The following MFSD1 variants were observed in gnomAD, a reference collection of about 807,000 sequenced individuals.
MFSD1 encodes the protein lysosomal dipeptide transporter MFSD1.
A neutral mutation model predicts 67.1 loss-of-function variants in MFSD1; 59 were observed. That is an observed-to-expected ratio of 0.88 (90% CI 0.71 to 1.09). The LOEUF is 1.09. Among genes scored for constraint, MFSD1 ranks in the 50% least tolerant of loss-of-function variants. The probability of loss-of-function intolerance (pLI) is 0.00; values close to 1 mark genes in which losing one functional copy is unlikely to be tolerated. For synonymous variants in MFSD1, 213 were observed against 200.3 expected, an observed-to-expected ratio of 1.06 and a Z score of -0.54; for missense variants, 552 against 566.1, an observed-to-expected ratio of 0.97 and a Z score of 0.25.
At chr3:158,826,254 T>A (rs1730960758) in intron 14 of MFSD1, among the ~76,000 whole-genome samples, 192 bp downstream of exon 14, 1 of 152,184 alleles carries the variant, frequency 6.6e-6, no homozygotes, top group Non-Finnish European at 1.5e-5. Flanking sequence ...AAGATTGCTG[T>A]CATTTTTTAA....
At chr3:158,827,976 G>GAGAGACAGAC (rs1553759912) in intron 15 of MFSD1, among the ~76,000 whole-genome samples, 10 of 78,888 alleles carry the variant, frequency 1.3e-4, no homozygotes, top group East Asian at 4.3e-4. Flanking sequence ...GAGAGAGAGA[G>GAGAGACAGAC]AGACAGAGAT....
In MFSD1 at chr3:158,802,207, G is replaced by T; in HGVS notation, c.55G>T (p.Ala19Ser). The T allele has an allele frequency of 1.2e-6, 2 of 1,610,816 alleles. No individual in the cohort carries two copies. The highest frequency in any genetic ancestry group is 1.7e-6 in the Non-Finnish European group (2 of 1,179,082). ...RALLAGGPDE[A>S]DRGAPAAPGA... ...GCTCCTGGCAGGCGGCCCTGACGAG[G>T]CCGACAGAGGTGCCCCGGCCGCCCC... Residue 19 changes from alanine to serine, a missense_variant, in exon 1 of 16, where the codon GCC (alanine) becomes TCC (serine). Transcript: ENST00000415822.
At position 158,826,020 on chromosome 3, in the gene MFSD1, C is replaced by CT. The variant is rs554893812; in HGVS notation, c.1298dup (p.Leu433PhefsTer33). On this transcript the variant is annotated frameshift_variant, in exon 14 of 16. Coordinates refer to ENST00000415822, the MANE Select transcript of MFSD1 (RefSeq NM_022736.4). LOFTEE classifies it high-confidence loss of function. The stretch of plus-strand genomic sequence containing the variant: ...CTATGTTTTTTCACTCCTAGTGTCA[C>CT]TTTTATCTGTGGTCTTACTCTATTT... 18 of 1,613,186 alleles carry CT rather than the reference C, an allele frequency of 1.1e-5. No homozygotes were observed. In the African/African-American group the frequency reaches 2.0e-4, roughly 18 times the overall value.
In MFSD1 at chr3:158,822,145, C is replaced by A. The variant is rs146531994; in HGVS notation, c.1077+5C>A. On this transcript the variant is annotated splice_donor_5th_base_variant and intron_variant, in intron 11 of 15. Transcript: ENST00000415822. Reference sequence around the variant, plus strand: ...TGGAACCCTTGGATTGCTATGGTAACGTCTGTGTTAGCCCATGGTGGGGTC... The same window carrying A: ...TGGAACCCTTGGATTGCTATGGTAAAGTCTGTGTTAGCCCATGGTGGGGTC... The A allele has an allele frequency of 1.2e-6, 2 of 1,607,198 alleles. No homozygotes were observed. The highest frequency in any genetic ancestry group is 4.5e-5 in the East Asian group (2 of 44,760).
At chr3:158,822,194 A>G in intron 11 of MFSD1, 54 bp downstream of exon 11, 2 of 1,542,110 alleles carry the variant, frequency 1.3e-6, no homozygotes, top group East Asian at 2.3e-5. Context: ...GGAGTCTGTC[A>G]TGTTCATCTA....
At position 158,802,074 on chromosome 3, in the gene MFSD1, G is replaced by C; in HGVS notation, c.-79G>C. On this transcript the variant is annotated 5_prime_UTR_variant, in exon 1 of 16. Coordinates refer to ENST00000415822, the MANE Select transcript of MFSD1 (RefSeq NM_022736.4). ...CCCGGAGTCATGTGACCGCCGTCTT[G>C]ACAGTGTTCCACGGGCGCTGCTTCC... is the stretch of plus-strand genomic sequence containing the variant. 1 of 1,565,672 alleles carries C rather than the reference G, an allele frequency of 6.4e-7. No individual in the cohort carries two copies. Among genetic ancestry groups the C allele is most frequent in the Non-Finnish European group, 8.6e-7 (1 of 1,160,848 alleles).
At chr3:158,807,211 TGATATA>T (rs2108206646) in intron 4 of MFSD1, 129 bp downstream of exon 4, 2 of 970,888 alleles carry the variant, frequency 2.1e-6, no homozygotes, top group Admixed American at 4.2e-5. Flanking sequence ...AATGCCCATG[TGATATA>T]ATCCATAGTC....
At chr3:158,811,764 T>C (rs879528694) in intron 6 of MFSD1, among the ~76,000 whole-genome samples, 4 of 152,192 alleles carry the variant, frequency 2.6e-5, no homozygotes, top group Non-Finnish European at 1.5e-5. Flanking sequence ...TCACAGCAAA[T>C]ACAGTAGCAA....
intron 12 of MFSD1, 39 bp downstream of exon 12, chr3:158,823,564 G>A (rs542316738): frequency 2.2e-6 from 3 of 1,338,872 alleles, no homozygotes; most frequent in African/African-American, 2.9e-5. Flanking sequence ...GTCTGTCTCT[G>A]CTATGTCAAT....
At position 158,804,375 on chromosome 3, in the gene MFSD1, A is replaced by C. The variant is rs777029796; in HGVS notation, c.216+4A>C. On this transcript the variant is annotated splice_donor_region_variant and intron_variant, in intron 2 of 15. Coordinates refer to ENST00000415822, the MANE Select transcript of MFSD1 (RefSeq NM_022736.4). ...CCTTCAGACTCAAGTTAAACGAGTA[A>C]GTTGATTTTTCACTCTTGTTTCTTT... The C allele has an allele frequency of 2.5e-6, 4 of 1,609,694 alleles. No homozygotes were observed. In the South Asian group the frequency reaches 4.4e-5, roughly 18 times the overall value.
chr3:158,828,879 C>A (rs1229620205), intron 15 of MFSD1, 100 bp from the exon 16 acceptor site: 2 of 1,164,964 alleles, frequency 1.7e-6, no homozygotes, highest in Non-Finnish European at 2.4e-6. Context: ...TTAGTATTTG[C>A]TATTACATGT....
intron 14 of MFSD1, 79 bp from the exon 15 acceptor site, chr3:158,827,201 T>C: frequency 1.2e-6 from 1 of 822,206 alleles, no homozygotes; most frequent in Non-Finnish European, 1.9e-6. Flanking sequence ...TGCAAATGGT[T>C]GCATGTATGT....
chr3:158,813,302 C>T (rs925434648), intron 6 of MFSD1, among the ~76,000 whole-genome samples: 48 of 152,108 alleles, frequency 3.2e-4, no homozygotes, highest in African/African-American at 1.1e-3. Flanking sequence ...TGCCCGTCAC[C>T]ATGCCTGGCT....
intron 7 of MFSD1, among the ~76,000 whole-genome samples, chr3:158,818,124 A>G (rs1324227118): frequency 1.3e-5 from 2 of 152,124 alleles, no homozygotes; most frequent in Non-Finnish European, 2.9e-5. Flanking sequence ...TGTGGTGTGC[A>G]TTTGGCTGTT....
chr3:158,821,472 A>G (rs1730663653), intron 9 of MFSD1, 125 bp from the exon 10 acceptor site: 2 of 638,164 alleles, frequency 3.1e-6, no homozygotes, highest in African/African-American at 1.8e-5. Flanking sequence ...GTGAATATAA[A>G]TAAGGTGGGA....
intron 6 of MFSD1, among the ~76,000 whole-genome samples, chr3:158,810,221 T>G (rs1336463089): frequency 6.6e-6 from 1 of 152,192 alleles, no homozygotes; most frequent in African/African-American, 2.4e-5. Flanking sequence ...GACAACACTA[T>G]GTTTTTATTA....
chr3:158,827,869 AGTT>A (rs762154039), intron 15 of MFSD1, among the ~76,000 whole-genome samples: 1 of 149,624 alleles, frequency 6.7e-6, no homozygotes, highest in Non-Finnish European at 1.5e-5. Flanking sequence ...ATTCAATTTA[AGTT>A]GTTCTCTGTG....
chr3:158,808,339 G>A (rs999788341), intron 5 of MFSD1, among the ~76,000 whole-genome samples: 2 of 152,126 alleles, frequency 1.3e-5, no homozygotes, highest in African/African-American at 4.8e-5. Flanking sequence ...CTCGGTGTAA[G>A]GATATGGAGG....
intron 7 of MFSD1, among the ~76,000 whole-genome samples, chr3:158,815,351 A>G (rs1730268159): frequency 1.8e-5 from 2 of 108,370 alleles, no homozygotes; most frequent in South Asian, 7.5e-4. Flanking sequence ...CTTTTCTTGT[A>G]GTGTCTTTTT....
Sources: gnomAD v4.1 joint callset for allele counts (sites outside exome capture counted in the v4.1 genomes callset) on GRCh38, gnomAD v4.1.1 for gene constraint, MANE v1.5 for transcripts, NCBI Gene and HGNC (gene_info 2026-07-23, HGNC 2026-07-21) for gene names.